The following XKR9 variants were observed in gnomAD, a reference collection of about 807,000 sequenced individuals.
XKR9 encodes XK related 9, also known as XK-related protein 9.
A neutral mutation model predicts 32.0 loss-of-function variants in XKR9; 32 were observed. That is an observed-to-expected ratio of 1.00 (90% CI 0.76 to 1.34). XKR9 has a LOEUF of 1.34. Ranked by LOEUF, XKR9 falls within the 40% of genes most tolerant of loss-of-function variation. XKR9 has a pLI of 0.00. For synonymous variants in XKR9, 168 were observed against 143.4 expected (o/e 1.17, Z -1.22); for missense variants, 546 against 429.7 (o/e 1.27, Z -2.39).
At chr8:70,871,432 C>A in the XKR9 span, among the ~76,000 whole-genome samples, 1 of 152,156 alleles carries the variant, frequency 6.6e-6, no homozygotes, top group Admixed American at 6.6e-5. Flanking sequence ...CACATGCTCA[C>A]TTTGTGTCTC....
At chr8:70,873,334 A>G in the XKR9 span, among the ~76,000 whole-genome samples, 5 of 152,208 alleles carry the variant, frequency 3.3e-5, no homozygotes, top group African/African-American at 9.6e-5. Context: ...ACATTTAATA[A>G]GGCTATAGCT....
chr8:71,016,393 G>C, the XKR9 span, among the ~76,000 whole-genome samples: 1 of 152,112 alleles, frequency 6.6e-6, no homozygotes, highest in Non-Finnish European at 1.5e-5. Context: ...GAGTCAACTT[G>C]GTAGAGAGTT....
chr8:70,770,728 C>G (rs994986720), intron 2 of XKR9, among the ~76,000 whole-genome samples: 1 of 152,164 alleles, frequency 6.6e-6, no homozygotes, highest in African/African-American at 2.4e-5. Flanking sequence ...GGAAAACTGC[C>G]TACTCAAGCC....
rs150474964 is a variant in XKR9 at position 70,785,531 on chromosome 8, C to T, written n.353-3808C>T. 7.1e-3 allele frequency among the ~76,000 whole-genome samples: 1,056 copies of T among 148,706 alleles called. 2 individuals are homozygous for T. Among genetic ancestry groups the T allele is most frequent in the Middle Eastern group, 0.015 (4 of 274 alleles). ...TTATTTCTCCTCTGATCTTTATTAT[C>T]TCTTTCCTTCTGCTTGCTTTGGGTT... On this transcript the variant is annotated intron_variant and non_coding_transcript_variant, in intron 2 of 3. Transcript: ENST00000520273.
intron 1 of XKR9, among the ~76,000 whole-genome samples, chr8:70,671,489 C>T (rs1248718923): frequency 1.2e-5 from 1 of 85,300 alleles, no homozygotes; most frequent in Non-Finnish European, 3.0e-5. Flanking sequence ...CCCCCTTCCC[C>T]GACCCCACCA....
the XKR9 span, among the ~76,000 whole-genome samples, chr8:70,922,437 A>G: frequency 3.4e-3 from 516 of 152,238 alleles, 3 homozygotes; most frequent in Middle Eastern, 0.02. Context: ...TTTTGGGGGG[A>G]TAATTACCTA....
chr8:70,993,415 C>G, the XKR9 span, among the ~76,000 whole-genome samples: 1 of 152,112 alleles, frequency 6.6e-6, no homozygotes, highest in Non-Finnish European at 1.5e-5. Context: ...TCTTGTTAAG[C>G]CTGGTACTCT....
At chr8:71,024,862 G>GGTT in the XKR9 span, among the ~76,000 whole-genome samples, 1 of 152,074 alleles carries the variant, frequency 6.6e-6, no homozygotes, top group African/African-American at 2.4e-5. Context: ...GTTCTCTCTT[G>GGTT]GTTGTTCTAT....
intron 2 of XKR9, among the ~76,000 whole-genome samples, chr8:70,756,725 T>C (rs1807231612): frequency 6.6e-6 from 1 of 152,248 alleles, no homozygotes; most frequent in Non-Finnish European, 1.5e-5. Flanking sequence ...CTTGCTGAAC[T>C]TATTCACTAG....
chr8:70,794,823 T>TTGTGTGTGTGTGTGTGTG (rs56167343), downstream of XKR9, among the ~76,000 whole-genome samples: 3,449 of 147,618 alleles, frequency 0.023, 47 homozygotes, highest in Middle Eastern at 0.035. Context: ...TAGTCTTCTT[T>TTGTGTGTGTGTGTGTGTG]TGTGTGTGTG....
chr8:70,793,149 A>C (rs1586900906), downstream of XKR9, among the ~76,000 whole-genome samples: 1 of 151,994 alleles, frequency 6.6e-6, no homozygotes, highest in Non-Finnish European at 1.5e-5. Context: ...TTGAATATAG[A>C]TATTAGCCTT....
chr8:70,846,813 A>G, the XKR9 span, among the ~76,000 whole-genome samples: 169 of 152,184 alleles, frequency 1.1e-3, 1 homozygote, highest in South Asian at 9.5e-3. Context: ...CTAAATATAT[A>G]TGCACTTAAT....
the XKR9 span, among the ~76,000 whole-genome samples, chr8:70,993,601 TCTTCCTTCCTTCCTTCCTTCCTTCCTTC>T: frequency 6.0e-3 from 627 of 105,202 alleles, 3 homozygotes; most frequent in African/African-American, 0.011. Flanking sequence ...TCATAGGACA[TCTTCCTTCCTTCCTTCCTTCCTTCCTTC>T]CTTCCTTCCT....
the XKR9 span, among the ~76,000 whole-genome samples, chr8:71,052,576 C>T: frequency 8.5e-5 from 13 of 152,182 alleles, no homozygotes; most frequent in East Asian, 1.7e-3. Flanking sequence ...GCCCACTCAG[C>T]GTTTCTTGCT....
chr8:70,843,831 G>A, the XKR9 span, among the ~76,000 whole-genome samples: 1 of 152,136 alleles, frequency 6.6e-6, no homozygotes, highest in South Asian at 2.1e-4. Flanking sequence ...TACCTCCTGA[G>A]TACCAAGCAG....
At chr8:70,830,064 A>G in the XKR9 span, among the ~76,000 whole-genome samples, 34 of 152,274 alleles carry the variant, frequency 2.2e-4, no homozygotes, top group African/African-American at 8.2e-4. Flanking sequence ...TATTGGTTAT[A>G]AATGTTTCTT....
the XKR9 span, among the ~76,000 whole-genome samples, chr8:71,052,417 C>T: frequency 1.2e-4 from 18 of 152,158 alleles, no homozygotes; most frequent in African/African-American, 4.1e-4. Context: ...TTCTGAGGAA[C>T]TCTCCTCAGG....
the XKR9 span, among the ~76,000 whole-genome samples, chr8:70,865,417 G>A: frequency 6.6e-6 from 1 of 151,762 alleles, no homozygotes; most frequent in Non-Finnish European, 1.5e-5. Context: ...TGTCAATAAT[G>A]TAAGGCCAGA....
chr8:70,983,671 C>T, the XKR9 span, among the ~76,000 whole-genome samples: 15 of 152,178 alleles, frequency 9.9e-5, no homozygotes, highest in East Asian at 1.7e-3. Context: ...ATCCCAGCTA[C>T]TCAGGAGGCT....
Sources: gnomAD v4.1 joint callset for allele counts (sites outside exome capture counted in the v4.1 genomes callset) on GRCh38, gnomAD v4.1.1 for gene constraint, MANE v1.5 for transcripts, NCBI Gene and HGNC (gene_info 2026-07-23, HGNC 2026-07-21) for gene names.